Variants in CPNE5 observed in about 807,000 individuals in gnomAD.
CPNE5 encodes the protein copine 5.
CPNE5 carries 42 observed loss-of-function variants against 81.1 expected under a neutral mutation model. The observed-to-expected ratio is 0.52, with a 90% confidence interval of 0.40 to 0.67. The LOEUF is 0.67. Ranked by LOEUF, CPNE5 falls within the 30% of genes least tolerant of loss-of-function variation. The pLI is 0.00. For synonymous variants in CPNE5, 313 were observed against 321.5 expected, an observed-to-expected ratio of 0.97 and a Z score of 0.28; for missense variants, 612 against 815.5, an observed-to-expected ratio of 0.75 and a Z score of 3.04.
In CPNE5 at chr6:36,794,663, G is replaced by T; in HGVS notation, c.405-14C>A. 8 of 1,613,266 alleles carry T rather than the reference G, an allele frequency of 5.0e-6. No homozygotes were observed. Among genetic ancestry groups the T allele is most frequent in the Non-Finnish European group, 6.8e-6 (8 of 1,179,514 alleles). ...AATGCGCCTATCCTGTGGAGAGAGAGGGGGAGAGAGAGCATGCCATGAGCT... is the reference window on the plus strand; with the variant it reads ...AATGCGCCTATCCTGTGGAGAGAGATGGGGAGAGAGAGCATGCCATGAGCT... On this transcript the variant is annotated splice_polypyrimidine_tract_variant and intron_variant, in intron 6 of 20. Transcript: ENST00000244751.
chr6:36,744,656 C>T, intron 18 of CPNE5: 2 of 481,874 alleles, frequency 4.2e-6, no homozygotes, highest in Non-Finnish European at 7.5e-6. Flanking sequence ...AACTCTGAGC[C>T]TCCCCTCCCA....
intron 1 of CPNE5, among the ~76,000 whole-genome samples, chr6:36,826,350 C>T (rs1772502618): frequency 6.6e-6 from 1 of 152,160 alleles, no homozygotes; most frequent in South Asian, 2.1e-4. Context: ...AAGGGTCACC[C>T]TGGCAACCAG....
At chr6:36,786,707 G>A (rs1768586064) in intron 8 of CPNE5, among the ~76,000 whole-genome samples, 2 of 152,162 alleles carry the variant, frequency 1.3e-5, no homozygotes. Context: ...CGGCTATTAA[G>A]TGCATGTTTT....
At chr6:36,751,329 G>A (rs867341448) in intron 14 of CPNE5, among the ~76,000 whole-genome samples, 1 of 152,222 alleles carries the variant, frequency 6.6e-6, no homozygotes, top group African/African-American at 2.4e-5. Flanking sequence ...AAGTCAGGCA[G>A]GCTAGACTGA....
intron 3 of CPNE5, among the ~76,000 whole-genome samples, chr6:36,818,896 TCCTTCATGA>T (rs1220194115): frequency 6.6e-6 from 1 of 152,222 alleles, no homozygotes; most frequent in African/African-American, 2.4e-5. Flanking sequence ...TTCCACACTT[TCCTTCATGA>T]ATCACGAGGA....
Position 36,778,932 on chromosome 6 carries a change from G to C in CPNE5, c.554C>G (p.Ala185Gly), listed in dbSNP as rs540009723. 2.5e-6 allele frequency: 4 copies of C among 1,603,740 alleles called. No individual in the cohort carries two copies. The African/African-American group carries it at 5.3e-5, about 21-fold the overall frequency. Residue 185 changes from alanine to glycine, a missense_variant, in exon 9 of 21, where the codon GCC (alanine) becomes GGC (glycine). By Grantham distance (60) the Ala-to-Gly change is moderately conservative. Coordinates refer to ENST00000244751, the MANE Select transcript of CPNE5 (RefSeq NM_020939.2). ...GAAATCTTTCTTGTCCAGCTTGTTGGCACAGAACTGCATGGTGGCGACATC... is the reference window on the plus strand; with the variant it reads ...GAAATCTTTCTTGTCCAGCTTGTTGCCACAGAACTGCATGGTGGCGACATC... ...CRDVATMQFC[A>G]NKLDKKDFFG... is the part of the protein sequence containing the mutation.
chr6:36,799,927 T>C (rs1769954774), intron 4 of CPNE5, 40 bp downstream of exon 4: 1 of 1,441,522 alleles, frequency 6.9e-7, no homozygotes, highest in African/African-American at 1.4e-5. Flanking sequence ...GCAATCTTCC[T>C]CCCCACCTGG....
At chr6:36,782,900 G>A (rs1250129318) in intron 8 of CPNE5, among the ~76,000 whole-genome samples, 3 of 150,400 alleles carry the variant, frequency 2.0e-5, no homozygotes, top group Admixed American at 2.0e-4. Flanking sequence ...GGGCCACCTG[G>A]TTGGAATCCT....
chr6:36,744,445 T>G, intron 18 of CPNE5, 120 bp from the exon 19 acceptor site: 2 of 746,890 alleles, frequency 2.7e-6, no homozygotes, highest in South Asian at 1.5e-5. Flanking sequence ...AGAGTGAACA[T>G]GGAGAGACAG....
chr6:36,835,593 C>T (rs1030781649), intron 1 of CPNE5, among the ~76,000 whole-genome samples: 8 of 152,234 alleles, frequency 5.3e-5, no homozygotes, highest in South Asian at 2.1e-4. Flanking sequence ...GTCAAGAGTT[C>T]GAGACCAGCC....
At chr6:36,788,845 T>C (rs1349685329) in intron 8 of CPNE5, among the ~76,000 whole-genome samples, 1 of 152,182 alleles carries the variant, frequency 6.6e-6, no homozygotes, top group Non-Finnish European at 1.5e-5. Context: ...TTCTATAACC[T>C]GTCAAACTAT....
chr6:36,792,345 G>A (rs772464692), intron 7 of CPNE5: 4 of 1,518,320 alleles, frequency 2.6e-6, no homozygotes, highest in South Asian at 2.4e-5. Context: ...CCACCAGGAA[G>A]GGTAGTGCCT....
chr6:36,822,336 GTCTGGCCCCCCAAGCCTGGACAGGAA>G (rs571868331), intron 2 of CPNE5, among the ~76,000 whole-genome samples, 176 bp from the exon 3 acceptor site: 177 of 152,128 alleles, frequency 1.2e-3, no homozygotes, highest in Non-Finnish European at 2.0e-3. Flanking sequence ...TGGTGAGTGA[GTCTGGCCCCCCAAGCCTGGACAGGAA>G]TCTGGCCCCC....
intron 1 of CPNE5, among the ~76,000 whole-genome samples, chr6:36,835,090 C>A (rs1034992513): frequency 6.6e-6 from 1 of 152,252 alleles, no homozygotes; most frequent in African/African-American, 2.4e-5. Flanking sequence ...GCCAGCAGGG[C>A]TAAGCAATGG....
chr6:36,800,473 C>T (rs540222273), intron 3 of CPNE5, among the ~76,000 whole-genome samples: 8 of 152,194 alleles, frequency 5.3e-5, no homozygotes, highest in East Asian at 1.9e-4. Context: ...GAGCCTCCAC[C>T]GAACTTGCGC....
At chr6:36,815,064 A>T (rs1033677134) in intron 3 of CPNE5, among the ~76,000 whole-genome samples, 1 of 152,028 alleles carries the variant, frequency 6.6e-6, no homozygotes, top group African/African-American at 2.4e-5. Flanking sequence ...AGGCTGAGGC[A>T]GGAGAATCAC....
intron 1 of CPNE5, among the ~76,000 whole-genome samples, chr6:36,827,172 A>G (rs890514719): frequency 4.6e-5 from 7 of 151,746 alleles, no homozygotes; most frequent in Non-Finnish European, 1.0e-4. Context: ...CCTCCGTTCC[A>G]TTCCCCACTC....
intron 8 of CPNE5, among the ~76,000 whole-genome samples, chr6:36,786,236 G>C (rs1481409607): frequency 6.6e-6 from 1 of 152,220 alleles, no homozygotes; most frequent in East Asian, 1.9e-4. Flanking sequence ...CCTCTAGGAG[G>C]AGGAGCCTGG....
At position 36,819,923 on chromosome 6, in the gene CPNE5, C is replaced by G. The variant is rs542005188; in HGVS notation, c.183+2191G>C. ...CCCCCATTCTGGTGCCTCTTCTGAT[C>G]ACCTGGAGCAAGCGCAATCTCCAGC... On this transcript the variant is annotated intron_variant, in intron 3 of 20. Transcript: ENST00000244751. 3.2e-3 allele frequency among the ~76,000 whole-genome samples: 493 copies of G among 152,356 alleles called. 3 individuals are homozygous for G. The highest frequency in any genetic ancestry group is 6.0e-3 in the Non-Finnish European group (411 of 68,038).
Sources: gnomAD v4.1 joint callset for allele counts (sites outside exome capture counted in the v4.1 genomes callset) on GRCh38, gnomAD v4.1.1 for gene constraint, MANE v1.5 for transcripts, NCBI Gene and HGNC (gene_info 2026-07-23, HGNC 2026-07-21) for gene names.